NEGR1: variants seen among roughly 807,000 people sequenced by gnomAD.
NEGR1 encodes IgLON family member 4.
In NEGR1, 10 loss-of-function variants were observed where a neutral mutation model predicts 40.9. That is an observed-to-expected ratio of 0.24 (90% confidence interval 0.15 to 0.42). The LOEUF is 0.42. NEGR1 is among the 10% of genes least tolerant of loss of function. The probability of loss-of-function intolerance (pLI) is 1.00; values close to 1 mark genes in which losing one functional copy is unlikely to be tolerated. For synonymous variants in NEGR1, 185 were observed against 166.8 expected (o/e 1.11, Z -0.84); for missense variants, 352 against 438.9 (o/e 0.80, Z 1.77).
intron 6 of NEGR1, chr1:71,422,451 TGTGA>T (rs1484798551): frequency 6.6e-6 from 1 of 152,202 alleles, no homozygotes; most frequent in Non-Finnish European, 1.5e-5. Flanking sequence ...ATCGTTTTTG[TGTGA>T]GTGTTTTTCT....
intron 4 of NEGR1, among the ~76,000 whole-genome samples, chr1:71,646,911 AATAATT>A (rs1305010704): frequency 6.6e-6 from 1 of 151,486 alleles, no homozygotes; most frequent in African/African-American, 2.4e-5. Context: ...TATTTCTACT[AATAATT>A]ATTATTTAAG....
intron 1 of NEGR1, among the ~76,000 whole-genome samples, chr1:71,971,234 AT>A (rs1258243570): frequency 7.9e-5 from 12 of 152,272 alleles, no homozygotes; most frequent in African/African-American, 2.9e-4. Context: ...CGGTACACTG[AT>A]TTCTGATTTC....
chr1:71,755,280 C>G (rs149232307), intron 3 of NEGR1, among the ~76,000 whole-genome samples: 35 of 152,274 alleles, frequency 2.3e-4, no homozygotes, highest in African/African-American at 7.9e-4. Flanking sequence ...TTCACCTCCA[C>G]TGTCATTACC....
At chr1:71,779,709 AGGCGCCT>A (rs747422671) in intron 2 of NEGR1, among the ~76,000 whole-genome samples, 37 of 152,122 alleles carry the variant, frequency 2.4e-4, no homozygotes, top group Non-Finnish European at 4.7e-4. Context: ...CTGGGATTAC[AGGCGCCT>A]GCCACTGCGC....
At chr1:72,256,853 T>C (rs551773901) in intron 1 of NEGR1, among the ~76,000 whole-genome samples, 2 of 152,250 alleles carry the variant, frequency 1.3e-5, no homozygotes, top group South Asian at 4.2e-4. Context: ...GTAACACAAA[T>C]ACTAATTTAA....
In NEGR1 at chr1:71,406,977, A is replaced by T. The variant is rs1208603487; in HGVS notation, c.*469T>A. 5 of 152,608 alleles carry T rather than the reference A, an allele frequency of 3.3e-5. No homozygotes were observed. Among genetic ancestry groups the T allele is most frequent in the Non-Finnish European group, 7.3e-5 (5 of 68,038 alleles). The allele number at this position is 152,608 out of a possible 1,614,324, so 9.5% of individuals were successfully genotyped here. ...TTTGAAGAAATAATCTGAAGGCAAT[A>T]TTATTTGCTTTTTTATCAAAAAAGA... On this transcript the variant is annotated 3_prime_UTR_variant, in exon 7 of 7. Transcript: ENST00000357731.
At chr1:71,856,694 A>C (rs1025956389) in intron 2 of NEGR1, among the ~76,000 whole-genome samples, 1 of 151,992 alleles carries the variant, frequency 6.6e-6, no homozygotes, top group African/African-American at 2.4e-5. Flanking sequence ...GTTAACATTT[A>C]TTGTCTGTCA....
intron 6 of NEGR1, among the ~76,000 whole-genome samples, chr1:71,457,448 C>G (rs1004607894): frequency 1.3e-5 from 2 of 152,190 alleles, no homozygotes; most frequent in African/African-American, 4.8e-5. Flanking sequence ...ACTTTTAATT[C>G]TTTCAGTCAT....
chr1:72,215,876 T>C (rs1341556566), intron 1 of NEGR1, among the ~76,000 whole-genome samples: 1 of 152,030 alleles, frequency 6.6e-6, no homozygotes, highest in Non-Finnish European at 1.5e-5. Context: ...CCCTAAGTAT[T>C]ATAAATCATT....
intron 1 of NEGR1, among the ~76,000 whole-genome samples, chr1:72,122,984 C>A (rs1649859357): frequency 6.6e-6 from 1 of 151,896 alleles, no homozygotes; most frequent in South Asian, 2.1e-4. Context: ...ATATTGAGAA[C>A]ATGTAACATT....
At position 72,168,009 on chromosome 1, in the gene NEGR1, T is replaced by TATTA. The variant is rs200032888; in HGVS notation, c.176+114309_176+114310insTAAT. Among the ~76,000 whole-genome samples the TATTA allele has an allele frequency of 8.3e-3, 1,210 of 146,636 alleles. 14 individuals are homozygous for TATTA. Among genetic ancestry groups the TATTA allele is most frequent in the African/African-American group, 0.029 (1,166 of 40,164 alleles). On this transcript the variant is annotated intron_variant, in intron 1 of 6. Coordinates refer to ENST00000357731, the MANE Select transcript of NEGR1 (RefSeq NM_173808.3). ...GGTAGTTATATTATTATTATTATTTTTTTTTTTTTTTCTGAGACAAGCATC... is the reference window on the plus strand; with the variant it reads ...GGTAGTTATATTATTATTATTATTTTATTATTTTTTTTTTTCTGAGACAAGCATC...
chr1:71,848,535 A>C (rs1453770435), intron 2 of NEGR1, among the ~76,000 whole-genome samples: 6 of 152,216 alleles, frequency 3.9e-5, no homozygotes, highest in Non-Finnish European at 8.8e-5. Flanking sequence ...CCATAAAGGA[A>C]ACAACAAAGC....
At chr1:71,772,985 GA>G (rs1425955259) in intron 3 of NEGR1, among the ~76,000 whole-genome samples, 1 of 152,116 alleles carries the variant, frequency 6.6e-6, no homozygotes, top group South Asian at 2.1e-4. Flanking sequence ...TTGATAAGGT[GA>G]ACTGTAAGGA....
intron 1 of NEGR1, among the ~76,000 whole-genome samples, chr1:72,105,792 C>G (rs566574448): frequency 6.6e-6 from 1 of 151,648 alleles, no homozygotes; most frequent in South Asian, 2.1e-4. Context: ...GTTTCATAGT[C>G]AAGAAAGGGA....
chr1:71,471,373 C>T (rs965454924), intron 6 of NEGR1, among the ~76,000 whole-genome samples: 2 of 152,066 alleles, frequency 1.3e-5, no homozygotes, highest in South Asian at 2.1e-4. Context: ...TAAAGATGCA[C>T]CTTGGCTCAC....
intron 3 of NEGR1, among the ~76,000 whole-genome samples, chr1:71,725,071 T>C (rs2101657468): frequency 6.6e-6 from 1 of 152,160 alleles, no homozygotes; most frequent in East Asian, 1.9e-4. Context: ...AACTGTTTCA[T>C]ATATTCTTGT....
Position 72,210,046 on chromosome 1 carries a change from A to C in NEGR1, c.176+72273T>G, listed in dbSNP as rs1441514739. The stretch of plus-strand genomic sequence containing the variant: ...GATAAAGGAATAAACTAGGCTTTGG[A>C]AGATATTCTTGAAATTACAGTAACA... On this transcript the variant is annotated intron_variant, in intron 1 of 6. Coordinates refer to ENST00000357731, the MANE Select transcript of NEGR1 (RefSeq NM_173808.3). 3.9e-5 allele frequency among the ~76,000 whole-genome samples: 6 copies of C among 152,060 alleles called. No homozygotes were observed. The East Asian group carries it at 1.2e-3, about 29-fold the overall frequency.
At chr1:72,169,511 T>C (rs1301634785) in intron 1 of NEGR1, among the ~76,000 whole-genome samples, 1 of 152,184 alleles carries the variant, frequency 6.6e-6, no homozygotes, top group African/African-American at 2.4e-5. Flanking sequence ...AATCTTATAA[T>C]TTAGGAATTA....
At chr1:71,438,553 T>C (rs1646525602) in intron 6 of NEGR1, among the ~76,000 whole-genome samples, 1 of 151,844 alleles carries the variant, frequency 6.6e-6, no homozygotes, top group African/African-American at 2.4e-5. Flanking sequence ...GGATTTTTTG[T>C]TTGTTTGTTT....
Sources: allele counts gnomAD v4.1 joint callset (sites outside exome capture counted in the v4.1 genomes callset), GRCh38; gene constraint gnomAD v4.1.1; transcripts MANE v1.5; gene names NCBI Gene and HGNC (gene_info 2026-07-23, HGNC 2026-07-21).